MGAT4A: variants seen among roughly 807,000 people sequenced by gnomAD.
The protein encoded by MGAT4A is N-acetylglucosaminyltransferase IVa.
MGAT4A carries 33 observed loss-of-function variants against 74.1 expected under a neutral mutation model. That is an observed-to-expected ratio of 0.45 (90% CI 0.34 to 0.60). The LOEUF (loss-of-function observed/expected upper bound fraction) is 0.60, where lower values mean the gene tolerates loss of function less well. Among genes scored for constraint, MGAT4A ranks in the 20% least tolerant of loss-of-function variants. The pLI, the probability that MGAT4A is intolerant of heterozygous loss-of-function variation, is 0.02. For missense variants in MGAT4A, 479 were observed against 628.3 expected (o/e 0.76, Z 2.54); for synonymous variants, 198 against 210.4 (o/e 0.94, Z 0.51).
chr2:98,619,955 A>G lies in MGAT4A; in HGVS notation c.*5611T>C, dbSNP rs1701022615. The G allele has an allele frequency of 6.6e-6, 1 of 152,194 alleles. No individual in the cohort carries two copies. The highest frequency in any genetic ancestry group is 1.9e-4 in the East Asian group (1 of 5,200). The allele number at this position is 152,194 out of a possible 1,614,324, so 9.4% of individuals were successfully genotyped here. ...TAACAGTGGGAATGTTACTTCGCGC[A>G]AAGTGCTTTCCCATCAATGCTCAGT... On this transcript the variant is annotated 3_prime_UTR_variant, in exon 16 of 16. Transcript: ENST00000393487.
At chr2:98,665,882 A>G (rs1701822324) in intron 4 of MGAT4A, among the ~76,000 whole-genome samples, 2 of 152,254 alleles carry the variant, frequency 1.3e-5, no homozygotes, top group South Asian at 4.1e-4. Context: ...ATTTTGACAT[A>G]GTCAAGAAAT....
At chr2:98,678,014 G>C (rs1334613644) in intron 3 of MGAT4A, among the ~76,000 whole-genome samples, 1 of 150,602 alleles carries the variant, frequency 6.6e-6, no homozygotes, top group African/African-American at 2.4e-5. Flanking sequence ...TGGATCACGA[G>C]GTCAGGAGAT....
intron 3 of MGAT4A, 54 bp from the exon 4 acceptor site, chr2:98,675,229 A>G: frequency 1.5e-6 from 2 of 1,320,366 alleles, no homozygotes; most frequent in Non-Finnish European, 2.1e-6. Flanking sequence ...GAAGTTGCTG[A>G]TTTTATAAAA....
chr2:98,660,269 A>G (rs918578546), intron 5 of MGAT4A, among the ~76,000 whole-genome samples: 1 of 152,132 alleles, frequency 6.6e-6, no homozygotes, highest in African/African-American at 2.4e-5. Flanking sequence ...GGATTGGAAG[A>G]ATTAATATCA....
rs1484758158 is a variant in MGAT4A, at chr2:98,656,441, G to A, written c.609C>T (p.Gly203=). Residue 203 remains glycine, a synonymous_variant, in exon 7 of 16, where the codon GGC becomes GGT. Coordinates refer to ENST00000393487, the MANE Select transcript of MGAT4A (RefSeq NM_012214.3). ...EKEFSKEISS[G]LVEVISPPES... ...CAGGGGGTGATATGACTTCCACCAA[G>A]CCAGAACTGATTTCTTTAGAAAATC... The A allele has an allele frequency of 4.4e-6, 7 of 1,605,996 alleles. No individual in the cohort carries two copies. In the South Asian group the frequency reaches 7.8e-5, roughly 18 times the overall value.
rs887965985 is a variant in MGAT4A at position 98,625,384 on chromosome 2, G to C, written c.*182C>G. ...TGAGTCAAGTTAAAATCTGAGGACA[G>C]CTTAGTTTCAAACAAATACAATTAT... On this transcript the variant is annotated 3_prime_UTR_variant, in exon 16 of 16. Transcript: ENST00000393487. The C allele has an allele frequency of 1.4e-6, 2 of 1,419,624 alleles. No individual in the cohort carries two copies. Among genetic ancestry groups the C allele is most frequent in the African/African-American group, 1.5e-5 (1 of 68,696 alleles). The allele number at this position is 1,419,624 out of a possible 1,614,324, so 87.9% of individuals were successfully genotyped here. A position where few individuals can be genotyped will look rare whatever the true frequency, so the allele number is the denominator to read the frequency against.
At chr2:98,717,634 C>A (rs180953003) in intron 2 of MGAT4A, among the ~76,000 whole-genome samples, 1 of 152,258 alleles carries the variant, frequency 6.6e-6, no homozygotes. Flanking sequence ...TAAGGGAAAT[C>A]TGTGTACTAT....
chr2:98,710,688 C>T (rs1327918615), intron 2 of MGAT4A, among the ~76,000 whole-genome samples: 1 of 152,124 alleles, frequency 6.6e-6, no homozygotes, highest in Non-Finnish European at 1.5e-5. Context: ...GTTGCCCAGG[C>T]TAGTCTTGAC....
intron 2 of MGAT4A, among the ~76,000 whole-genome samples, chr2:98,707,523 A>G (rs1026059294): frequency 5.9e-5 from 9 of 152,194 alleles, no homozygotes; most frequent in East Asian, 1.9e-4. Context: ...TCATAATGGT[A>G]TCTGCCTTTA....
Position 98,713,958 on chromosome 2 carries a change from C to T in MGAT4A, c.94+12281G>A, listed in dbSNP as rs904911134. 3.3e-5 allele frequency among the ~76,000 whole-genome samples: 5 copies of T among 152,254 alleles called. No individual in the cohort carries two copies. In the East Asian group the frequency reaches 7.7e-4, roughly 23 times the overall value. On this transcript the variant is annotated intron_variant, in intron 2 of 15. Transcript: ENST00000393487. ...CATCTGTATATTACAAGACTAAATACAAAAAGAACTGTGCACAAATATTGA... is the reference window on the plus strand; with the variant it reads ...CATCTGTATATTACAAGACTAAATATAAAAAGAACTGTGCACAAATATTGA...
Position 98,624,552 on chromosome 2 carries a change from A to T in MGAT4A, c.*1014T>A, listed in dbSNP as rs527391410. 1.2e-5 allele frequency: 12 copies of T among 980,432 alleles called. No homozygotes were observed. The African/African-American group carries it at 1.7e-4, about 14-fold the overall frequency. The allele number at this position is 980,432 out of a possible 1,614,324, so 60.7% of individuals were successfully genotyped here. A position where few individuals can be genotyped will look rare whatever the true frequency, so the allele number is the denominator to read the frequency against. The stretch of plus-strand genomic sequence containing the variant: ...TACAATTTTCTTTAAAATTATACCA[A>T]TTATGACTCATACAATAGCAACACC... On this transcript the variant is annotated 3_prime_UTR_variant, in exon 16 of 16. Transcript: ENST00000393487.
chr2:98,658,291 A>T, intron 5 of MGAT4A, 27 bp from the exon 6 acceptor site: 1 of 1,422,432 alleles, frequency 7.0e-7, no homozygotes, highest in Non-Finnish European at 9.7e-7. Context: ...ATGTATCTAT[A>T]TTCAAGTTTT....
At chr2:98,661,431 A>T (rs1024316914) in intron 5 of MGAT4A, among the ~76,000 whole-genome samples, 2 of 152,198 alleles carry the variant, frequency 1.3e-5, no homozygotes, top group African/African-American at 4.8e-5. Flanking sequence ...GCAGTTCATA[A>T]GCAAACAAAC....
In MGAT4A at chr2:98,620,855, C is replaced by T. The variant is rs962184757; in HGVS notation, c.*4711G>A. On this transcript the variant is annotated 3_prime_UTR_variant, in exon 16 of 16. Transcript: ENST00000393487. ...AGATCCCTTACACACTGTTTCAGTC[C>T]TATTCCTATAGTCTCATTCTAGCAG... is the stretch of plus-strand genomic sequence containing the variant. 1 of 152,306 alleles carries T rather than the reference C, an allele frequency of 6.6e-6. No individual in the cohort carries two copies. Among genetic ancestry groups the T allele is most frequent in the Non-Finnish European group, 1.5e-5 (1 of 68,144 alleles). The allele number at this position is 152,306 out of a possible 1,614,324, so 9.4% of individuals were successfully genotyped here. A position where few individuals can be genotyped will look rare whatever the true frequency, so the allele number is the denominator to read the frequency against.
chr2:98,623,771 T>C lies in MGAT4A; in HGVS notation c.*1795A>G. On this transcript the variant is annotated 3_prime_UTR_variant, in exon 16 of 16. Transcript: ENST00000393487. ...ATCAGTGTTTCCAAACGTTTGCACT[T>C]TGTAACACAGCACAGGAAATGATGC... 1 of 985,424 alleles carries C rather than the reference T, an allele frequency of 1.0e-6. No individual in the cohort carries two copies. Among genetic ancestry groups the C allele is most frequent in the Non-Finnish European group, 1.2e-6 (1 of 829,932 alleles). 61.0% of individuals were successfully genotyped at this position (985,424 alleles called of 1,614,324 possible).
At position 98,621,334 on chromosome 2, in the gene MGAT4A, C is replaced by T; in HGVS notation, c.*4232G>A. On this transcript the variant is annotated 3_prime_UTR_variant, in exon 16 of 16. Transcript: ENST00000393487. ...TATGGGCTGAATTCAGTTCCCGTGG[C>T]TGTAGGACTGCAGTTCCCAGCTCCT... The T allele has an allele frequency of 6.7e-7, 1 of 1,489,508 alleles. No individual in the cohort carries two copies. Among genetic ancestry groups the T allele is most frequent in the Non-Finnish European group, 9.0e-7 (1 of 1,114,764 alleles). The allele number at this position is 1,489,508 out of a possible 1,614,324, so 92.3% of individuals were successfully genotyped here. A position where few individuals can be genotyped will look rare whatever the true frequency, so the allele number is the denominator to read the frequency against.
chr2:98,692,991 A>G (rs1055451601), intron 2 of MGAT4A, among the ~76,000 whole-genome samples: 3 of 152,232 alleles, frequency 2.0e-5, no homozygotes, highest in African/African-American at 7.2e-5. Flanking sequence ...GAAGAAACCC[A>G]TGAAAAGAAA....
intron 12 of MGAT4A, among the ~76,000 whole-genome samples, chr2:98,637,862 C>G (rs1190695436): frequency 6.6e-6 from 1 of 152,188 alleles, no homozygotes; most frequent in Non-Finnish European, 1.5e-5. Context: ...ATTCAAAATG[C>G]TCAGCCAGTC....
chr2:98,679,273 G>A (rs1009569013), intron 2 of MGAT4A, among the ~76,000 whole-genome samples: 1 of 152,038 alleles, frequency 6.6e-6, no homozygotes, highest in African/African-American at 2.4e-5. Flanking sequence ...AGGAGCGGTG[G>A]TGGGCGCCTG....
Sources: gnomAD v4.1 joint callset for allele counts (sites outside exome capture counted in the v4.1 genomes callset) on GRCh38, gnomAD v4.1.1 for gene constraint, MANE v1.5 for transcripts, NCBI Gene and HGNC (gene_info 2026-07-23, HGNC 2026-07-21) for gene names.